ART3: variants seen among roughly 807,000 people sequenced by gnomAD.
The protein encoded by ART3 is ecto-ADP-ribosyltransferase 3.
A neutral mutation model predicts 48.5 loss-of-function variants in ART3; 49 were observed. The observed-to-expected ratio is 1.01, with a 90% CI of 0.80 to 1.28. ART3 has a LOEUF of 1.28. Ranked by LOEUF, ART3 falls within the 50% of genes most tolerant of loss-of-function variation. The probability of loss-of-function intolerance (pLI) is 0.00; values close to 1 mark genes in which losing one functional copy is unlikely to be tolerated. For missense variants in ART3, 438 were observed against 454.3 expected (o/e 0.96, Z 0.33); for synonymous variants, 145 against 157.2 (o/e 0.92, Z 0.58).
At chr4:76,090,441 C>T (rs1002458775) in intron 3 of ART3, among the ~76,000 whole-genome samples, 2 of 152,206 alleles carry the variant, frequency 1.3e-5, no homozygotes, top group Non-Finnish European at 1.5e-5. Flanking sequence ...CAAATTCTGA[C>T]GTAGCCTTGT....
chr4:76,031,181 CA>C (rs1276381497), intron 1 of ART3, among the ~76,000 whole-genome samples: 7 of 152,022 alleles, frequency 4.6e-5, no homozygotes, highest in Non-Finnish European at 8.8e-5. Flanking sequence ...TTAATTAAAT[CA>C]GGGGGAATAT....
At chr4:76,071,450 ATG>A (rs1720310851), upstream of ART3, among the ~76,000 whole-genome samples, 1 of 151,720 alleles carries the variant, frequency 6.6e-6, no homozygotes, top group South Asian at 2.1e-4. Context: ...CATTCCTTTT[ATG>A]TCCTTTATAG....
At chr4:76,090,142 A>G (rs1724550716) in intron 3 of ART3, among the ~76,000 whole-genome samples, 1 of 152,198 alleles carries the variant, frequency 6.6e-6, no homozygotes, top group African/African-American at 2.4e-5. Context: ...GCCACTGTTT[A>G]GAAAAACCAC....
In ART3 at chr4:76,100,277, T is replaced by C. The variant is rs1180234696; in HGVS notation, c.848-14T>C. The C allele has an allele frequency of 1.9e-6, 3 of 1,611,704 alleles. No individual in the cohort carries two copies. The highest frequency in any genetic ancestry group is 2.5e-6 in the Non-Finnish European group (3 of 1,178,498). Reference sequence around the variant, plus strand: ...CCATTGTTAAAACTGATGAACTTCTTTTCTGTGACTCAGGTGAGAAAAACC... The same window carrying C: ...CCATTGTTAAAACTGATGAACTTCTCTTCTGTGACTCAGGTGAGAAAAACC... On this transcript the variant is annotated splice_polypyrimidine_tract_variant and intron_variant, in intron 5 of 11. Transcript: ENST00000355810.
At chr4:76,047,863 T>A (rs1010511850) in intron 1 of ART3, among the ~76,000 whole-genome samples, 14 of 152,038 alleles carry the variant, frequency 9.2e-5, no homozygotes, top group Non-Finnish European at 1.3e-4. Flanking sequence ...AGGTTTGCCC[T>A]AGACCCTGTA....
chr4:76,075,184 A>G (rs1363319669), intron 1 of ART3: 1 of 152,200 alleles, frequency 6.6e-6, no homozygotes, highest in African/African-American at 2.4e-5. Context: ...AAATACTGGG[A>G]TGAATATTAG....
Position 76,104,056 on chromosome 4 carries a change from A to G in ART3, c.970+87A>G, listed in dbSNP as rs369194356. On this transcript the variant is annotated intron_variant, in intron 9 of 11. Coordinates refer to ENST00000355810, the MANE Select transcript of ART3 (RefSeq NM_001130016.3). The stretch of plus-strand genomic sequence containing the variant: ...TTTAAGAGAATACTGTCATGAGACT[A>G]TTATTCATGAATATTTCCCTTATAG... The G allele has an allele frequency of 8.7e-5, 118 of 1,359,304 alleles. No individual in the cohort carries two copies. In the African/African-American group the frequency reaches 1.2e-3, roughly 14 times the overall value. The allele number at this position is 1,359,304 out of a possible 1,614,324, so 84.2% of individuals were successfully genotyped here. A position where few individuals can be genotyped will look rare whatever the true frequency, so the allele number is the denominator to read the frequency against.
At chr4:76,063,013 T>C (rs1050259805) in intron 1 of ART3, among the ~76,000 whole-genome samples, 1 of 152,280 alleles carries the variant, frequency 6.6e-6, no homozygotes, top group East Asian at 1.9e-4. Flanking sequence ...TAAATTTCAC[T>C]CTCTCAGTGA....
intron 1 of ART3, among the ~76,000 whole-genome samples, chr4:76,026,099 C>T (rs1733358933): frequency 6.6e-6 from 1 of 151,784 alleles, no homozygotes; most frequent in Non-Finnish European, 1.5e-5. Context: ...TTCTCAACCA[C>T]TACAATCCAG....
rs117030704 is a variant in ART3 at position 76,014,887 on chromosome 4, C to T, written c.-10+3567C>T. On this transcript the variant is annotated intron_variant, in intron 1 of 9. Transcript: ENST00000341029. Reference sequence around the variant, plus strand: ...ATCAGAAGCCAAGGAAGCAAGAGGGCAGTGAAACAACATGTTTAAAGTGCT... The same window carrying T: ...ATCAGAAGCCAAGGAAGCAAGAGGGTAGTGAAACAACATGTTTAAAGTGCT... 2.3e-4 allele frequency among the ~76,000 whole-genome samples: 35 copies of T among 152,020 alleles called. No individual in the cohort carries two copies. In the East Asian group the frequency reaches 6.8e-3, roughly 29 times the overall value.
At chr4:76,079,871 CTG>C (rs1388066370) in intron 2 of ART3, among the ~76,000 whole-genome samples, 1 of 151,740 alleles carries the variant, frequency 6.6e-6, no homozygotes, top group Non-Finnish European at 1.5e-5. Flanking sequence ...GTTAGTATCT[CTG>C]TCTCTCTCTC....
chr4:76,043,803 A>G (rs35170645), intron 1 of ART3, among the ~76,000 whole-genome samples: 80,080 of 147,512 alleles, frequency 0.54, 22,935 homozygotes, highest in East Asian at 0.94. Context: ...AGGAGGTACC[A>G]AGAGCAAGCG....
At chr4:76,102,355 C>CT (rs1265751993) in intron 8 of ART3, among the ~76,000 whole-genome samples, 8 of 152,138 alleles carry the variant, frequency 5.3e-5, no homozygotes, top group Non-Finnish European at 1.2e-4. Context: ...GTTCAGACAA[C>CT]TTAGTTTAGA....
chr4:76,052,377 C>T (rs1453156323), intron 1 of ART3, among the ~76,000 whole-genome samples: 1 of 152,124 alleles, frequency 6.6e-6, no homozygotes, highest in Admixed American at 6.5e-5. Flanking sequence ...AGAATAAGGG[C>T]CAGTTTTCAG....
intron 1 of ART3, chr4:76,058,627 T>C (rs1007577108): frequency 6.6e-6 from 1 of 152,114 alleles, no homozygotes; most frequent in Non-Finnish European, 1.5e-5. Context: ...ATTTAAGAGG[T>C]GAGAAAAGTA....
intron 1 of ART3, among the ~76,000 whole-genome samples, chr4:76,045,443 G>A (rs1363463798): frequency 2.0e-5 from 3 of 152,024 alleles, no homozygotes; most frequent in African/African-American, 7.2e-5. Flanking sequence ...TCCAGACAGT[G>A]AGATCCTTTC....
intron 3 of ART3, among the ~76,000 whole-genome samples, chr4:76,093,298 G>A (rs1725318160): frequency 6.6e-6 from 1 of 152,118 alleles, no homozygotes; most frequent in South Asian, 2.1e-4. Flanking sequence ...ATGGTGGCAT[G>A]CATCTGTAGT....
chr4:76,013,297 G>A (rs1228967254), intron 1 of ART3, among the ~76,000 whole-genome samples: 1 of 152,196 alleles, frequency 6.6e-6, no homozygotes, highest in African/African-American at 2.4e-5. Flanking sequence ...AGGGTGGACG[G>A]TAGAGTGAAT....
In ART3 at chr4:76,082,027, G is replaced by A. The variant is rs1469008648; in HGVS notation, c.273G>A (p.Lys91=). 2.5e-6 allele frequency: 4 copies of A among 1,614,200 alleles called. No individual in the cohort carries two copies. The highest frequency in any genetic ancestry group is 3.4e-6 in the Non-Finnish European group (4 of 1,180,038). ...AAATCTTTCTCCCTATGAATTTTAA[G>A]GATAACCATGGAATAGCCCTGATGG... The part of the protein sequence containing the change: ...KTQIFLPMNF[K]DNHGIALMAY... Residue 91 remains lysine, a synonymous_variant, in exon 3 of 12, where the codon AAG becomes AAA. Transcript: ENST00000355810.
Sources: allele counts gnomAD v4.1 joint callset (sites outside exome capture counted in the v4.1 genomes callset), GRCh38; gene constraint gnomAD v4.1.1; transcripts MANE v1.5; gene names NCBI Gene and HGNC (gene_info 2026-07-23, HGNC 2026-07-21).